KDR: variants seen among roughly 807,000 people sequenced by gnomAD.
The protein encoded by KDR is vascular endothelial growth factor receptor 2.
In KDR, 43 loss-of-function variants were observed where a neutral mutation model predicts 160.9. The observed-to-expected ratio is 0.27, with a 90% CI of 0.21 to 0.34. KDR has a LOEUF of 0.34. Among genes scored for constraint, KDR ranks in the 10% least tolerant of loss-of-function variants. KDR has a pLI of 1.00. For synonymous variants in KDR, 617 were observed against 600.1 expected (o/e 1.03, Z -0.41); for missense variants, 1,469 against 1,666.4 (o/e 0.88, Z 2.06).
At position 55,101,912 on chromosome 4, in the gene KDR, A is replaced by G; in HGVS notation, c.2251T>C (p.Phe751Leu). 1 of 1,613,414 alleles carries G rather than the reference A, an allele frequency of 6.2e-7. No homozygotes were observed. The highest frequency in any genetic ancestry group is 8.5e-7 in the Non-Finnish European group (1 of 1,179,656). Reference protein sequence around the residue: ...SVLGCAKVEAFFIIEGAQEKT... With the variant: ...SVLGCAKVEALFIIEGAQEKT... ...TCCCACTGACCTTCTATTATGAAAA[A>G]TGCCTCCACTTTTGCACAGCCAAGA... is the stretch of plus-strand genomic sequence containing the variant. Residue 751 changes from phenylalanine to leucine, a missense_variant, in exon 15 of 30, where the codon TTT (phenylalanine) becomes CTT (leucine). Coordinates refer to ENST00000263923, the MANE Select transcript of KDR (RefSeq NM_002253.4).
intron 27 of KDR, 53 bp downstream of exon 27, chr4:55,087,554 G>A (rs531038897): frequency 2.1e-5 from 33 of 1,548,690 alleles, no homozygotes; most frequent in Middle Eastern, 3.7e-4. Context: ...TCCCCCTCCC[G>A]AGATGGCCTT....
In KDR at chr4:55,094,684, C is replaced by A; in HGVS notation, c.2971+118G>T. ...CAGTCTATTATAGAAATTCAGGTCTCTTTCAAATTATGAGGTAGTATTGGA... is the reference window on the plus strand; with the variant it reads ...CAGTCTATTATAGAAATTCAGGTCTATTTCAAATTATGAGGTAGTATTGGA... On this transcript the variant is annotated intron_variant, in intron 21 of 29. Coordinates refer to ENST00000263923, the MANE Select transcript of KDR (RefSeq NM_002253.4). 3.1e-6 allele frequency: 3 copies of A among 967,116 alleles called. No homozygotes were observed. In the Admixed American group the frequency reaches 5.1e-5, roughly 16 times the overall value. The allele number at this position is 967,116 out of a possible 1,614,324, so 59.9% of individuals were successfully genotyped here.
intron 7 of KDR, 30 bp from the exon 8 acceptor site, chr4:55,110,798 AACTTACTGT>A: frequency 6.7e-7 from 1 of 1,500,898 alleles, no homozygotes; most frequent in Non-Finnish European, 9.2e-7. Flanking sequence ...AAAAAAGGTC[AACTTACTGT>A]AAATGGTCAT....
chr4:55,102,597 T>C, intron 13 of KDR, 89 bp from the exon 14 acceptor site: 4 of 1,413,048 alleles, frequency 2.8e-6, no homozygotes, highest in Non-Finnish European at 4.0e-6. Context: ...AGTTTAAATT[T>C]AGTAAAAAGG....
intron 27 of KDR, among the ~76,000 whole-genome samples, chr4:55,086,456 C>G (rs906846979): frequency 3.3e-5 from 5 of 152,092 alleles, no homozygotes; most frequent in Non-Finnish European, 7.3e-5. Context: ...AATACCTGAT[C>G]TTTAACTACA....
intron 28 of KDR, among the ~76,000 whole-genome samples, chr4:55,082,275 T>A (rs1239080747): frequency 1.3e-5 from 2 of 152,188 alleles, no homozygotes; most frequent in Non-Finnish European, 2.9e-5. Context: ...TGAGAATGCC[T>A]GTTACCATCG....
At position 55,095,678 on chromosome 4, in the gene KDR, T is replaced by A. The variant is rs1218743462; in HGVS notation, c.2729-13A>T. The A allele has an allele frequency of 8.7e-6, 14 of 1,607,764 alleles. No individual in the cohort carries two copies. Among genetic ancestry groups the A allele is most frequent in the Non-Finnish European group, 1.2e-5 (14 of 1,174,506 alleles). On this transcript the variant is annotated splice_polypyrimidine_tract_variant and intron_variant, in intron 19 of 29. Coordinates refer to ENST00000263923, the MANE Select transcript of KDR (RefSeq NM_002253.4). Reference sequence around the variant, plus strand: ...ACCATGAGTGGCCCTGCAGGCAGCATGTCCAGGAAGGAAAATGGGTTTTCA... The same window carrying A: ...ACCATGAGTGGCCCTGCAGGCAGCAAGTCCAGGAAGGAAAATGGGTTTTCA...
At chr4:55,094,236 A>G (rs1720091717) in intron 21 of KDR, among the ~76,000 whole-genome samples, 1 of 152,078 alleles carries the variant, frequency 6.6e-6, no homozygotes, top group Non-Finnish European at 1.5e-5. Flanking sequence ...CATAAAAACA[A>G]ATAAATAAAA....
intron 21 of KDR, 24 bp from the exon 22 acceptor site, chr4:55,092,738 G>A (rs756207431): frequency 2.0e-6 from 3 of 1,487,290 alleles, no homozygotes; most frequent in Non-Finnish European, 2.8e-6. Context: ...CAGGAGGATG[G>A]AGATCAGTAT....
rs962250590 is a variant in KDR at position 55,095,722 on chromosome 4, C to T, written c.2729-57G>A. ...GTTTTCACTCATATTCCTCACTAAG[C>T]GTTTAATATAGTGATGAACCCAAAA... On this transcript the variant is annotated intron_variant, in intron 19 of 29. Transcript: ENST00000263923. 10 of 1,274,280 alleles carry T rather than the reference C, an allele frequency of 7.8e-6. No individual in the cohort carries two copies. The African/African-American group carries it at 8.8e-5, about 11-fold the overall frequency. The allele number at this position is 1,274,280 out of a possible 1,614,324, so 78.9% of individuals were successfully genotyped here.
Position 55,079,997 on chromosome 4 carries a change from T to C in KDR, c.4015A>G (p.Thr1339Ala). 1 of 1,614,206 alleles carries C rather than the reference T, an allele frequency of 6.2e-7. No homozygotes were observed. Among genetic ancestry groups the C allele is most frequent in the Non-Finnish European group, 8.5e-7 (1 of 1,180,034 alleles). ...GAGTCAGGCTGGAGAATCTGGGCTG[T>C]GCTACCGGTTTGCACTCCAATCTCT... The part of the protein sequence containing the change: ...LIEIGVQTGS[T>A]AQILQPDSGT... The change falls in exon 30 of 30, where the codon ACA (threonine) becomes GCA (alanine). Residue 1339 changes from threonine to alanine, a missense_variant. By Grantham distance (58) the Thr-to-Ala change is moderately conservative. Around this residue, in one of 7 missense-constraint regions of KDR, gnomAD observed 229 missense variants for 197.8 expected, o/e 1.16. Coordinates refer to ENST00000263923, the MANE Select transcript of KDR (RefSeq NM_002253.4).
intron 12 of KDR, among the ~76,000 whole-genome samples, chr4:55,105,354 G>A (rs1720423283): frequency 1.3e-5 from 2 of 152,080 alleles, no homozygotes; most frequent in South Asian, 4.2e-4. Flanking sequence ...CAATGAATTA[G>A]CCCTGGCTAT....
chr4:55,110,610 G>A (rs1720555008), intron 8 of KDR, 44 bp from the exon 9 acceptor site: 2 of 1,611,592 alleles, frequency 1.2e-6, no homozygotes, highest in South Asian at 1.1e-5. Context: ...CAAAGGATTT[G>A]CTCTCACACG....
chr4:55,113,106 A>G (rs1325620444), intron 7 of KDR, among the ~76,000 whole-genome samples, 198 bp downstream of exon 7: 1 of 152,134 alleles, frequency 6.6e-6, no homozygotes, highest in East Asian at 1.9e-4. Context: ...AGCACATCTC[A>G]TCTTTAAAGT....
At chr4:55,120,236 T>C (rs189417509) in intron 2 of KDR, among the ~76,000 whole-genome samples, 4 of 152,242 alleles carry the variant, frequency 2.6e-5, no homozygotes, top group Admixed American at 1.3e-4. Context: ...GCAATGGCAA[T>C]AACCTACCCA....
chr4:55,114,210 A>G lies in KDR; in HGVS notation c.714T>C (p.Val238=), dbSNP rs1345166774. 1 of 1,614,004 alleles carries G rather than the reference A, an allele frequency of 6.2e-7. No individual in the cohort carries two copies. Among genetic ancestry groups the G allele is most frequent in the African/African-American group, 1.3e-5 (1 of 75,038 alleles). Reference sequence around the variant, plus strand: ...TACAATTTAAGACAAGCTTTTCTCCAACAGATAGTTCAATTCCATGAGACG... The same window carrying G: ...TACAATTTAAGACAAGCTTTTCTCCGACAGATAGTTCAATTCCATGAGACG... ...LSPSHGIELS[V]GEKLVLNCTA... Residue 238 remains valine (V), a synonymous_variant, in exon 6 of 30, where the codon GTT becomes GTC. Coordinates refer to ENST00000263923, the MANE Select transcript of KDR (RefSeq NM_002253.4).
intron 15 of KDR, among the ~76,000 whole-genome samples, chr4:55,101,446 C>T (rs1720306905): frequency 6.6e-6 from 1 of 152,164 alleles, no homozygotes; most frequent in Admixed American, 6.6e-5. Flanking sequence ...CTATAAGATA[C>T]AAACTAATCT....
Position 55,115,409 on chromosome 4 carries a change from A to G in KDR, c.361T>C (p.Tyr121His). The change falls in exon 4 of 30, where the codon TAC becomes CAC. Residue 121 changes from tyrosine to histidine, a missense_variant and splice_region_variant. This residue lies in a region of KDR where 792 missense variants were observed against 840.9 expected (regional missense o/e 0.94). Transcript: ENST00000263923. ...ACAGAAGCAATAAATGGAGATCTGT[A>G]ATCTAGAAGAAAATTTAGTTTTATT... Reference protein sequence around the residue: ...ASVIYVYVQDYRSPFIASVSD... With the variant: ...ASVIYVYVQDHRSPFIASVSD... 6.7e-7 allele frequency: 1 copy of G among 1,497,158 alleles called. No homozygotes were observed. 92.7% of individuals were successfully genotyped at this position (1,497,158 alleles called of 1,614,324 possible).
Position 55,094,930 on chromosome 4 carries a change from C to CAAA in KDR, c.2842_2843insTTT (p.Gly948delinsValTrp). The CAAA allele has an allele frequency of 6.2e-7, 1 of 1,613,972 alleles. No individual in the cohort carries two copies. Among genetic ancestry groups the CAAA allele is most frequent in the South Asian group, 1.1e-5 (1 of 91,088 alleles). On this transcript the variant is annotated protein_altering_variant, in exon 21 of 30. Transcript: ENST00000263923. ...AGGGATTGCTCCAACGTAGTCTTTC[C>CAAA]CTTGACGGAATCGTGCCCCTTTGGT...
Sources: gnomAD v4.1 joint callset for allele counts (sites outside exome capture counted in the v4.1 genomes callset) on GRCh38, gnomAD v4.1.1 for gene constraint, gnomAD v4.1.1 regional missense constraint, MANE v1.5 for transcripts, NCBI Gene and HGNC (gene_info 2026-07-23, HGNC 2026-07-21) for gene names.